TRIO: variants seen among roughly 807,000 people sequenced by gnomAD.
TRIO encodes the protein triple functional domain protein.
Under a neutral mutation model 351.9 loss-of-function variants are expected in TRIO, and 58 were observed. The ratio of observed to expected loss-of-function variants is 0.16; its 90% confidence interval spans 0.13 to 0.21. The LOEUF (loss-of-function observed/expected upper bound fraction) is 0.21, where lower values mean the gene tolerates loss of function less well. TRIO is among the 10% of genes least tolerant of loss of function. The pLI, the probability that TRIO is intolerant of heterozygous loss-of-function variation, is 1.00. For synonymous variants in TRIO, 1,758 were observed against 1,595.7 expected, an observed-to-expected ratio of 1.10 and a Z score of -2.42; for missense variants, 3,201 against 4,027.8, an observed-to-expected ratio of 0.79 and a Z score of 5.56.
intron 1 of TRIO, among the ~76,000 whole-genome samples, chr5:14,148,544 G>A (rs1418229372): frequency 6.6e-6 from 1 of 152,212 alleles, no homozygotes; most frequent in South Asian, 2.1e-4. Flanking sequence ...ACAAAAAGCA[G>A]TGATAACACC....
intron 1 of TRIO, among the ~76,000 whole-genome samples, chr5:14,155,416 A>G (rs541457900): frequency 6.6e-6 from 1 of 152,346 alleles, no homozygotes; most frequent in African/African-American, 2.4e-5. Context: ...ATCATGATCT[A>G]AATCACTAAC....
At chr5:14,147,614 C>T (rs1377107797) in intron 1 of TRIO, among the ~76,000 whole-genome samples, 1 of 152,180 alleles carries the variant, frequency 6.6e-6, no homozygotes, top group African/African-American at 2.4e-5. Context: ...AAATCTTACT[C>T]GACTCCTCCT....
chr5:14,237,224 C>G (rs1455971044), intron 1 of TRIO, among the ~76,000 whole-genome samples: 1 of 152,208 alleles, frequency 6.6e-6, no homozygotes, highest in Non-Finnish European at 1.5e-5. Flanking sequence ...TATCCCAGAT[C>G]TGAACATCAG....
At chr5:14,434,961 G>A (rs994207817) in intron 34 of TRIO, among the ~76,000 whole-genome samples, 5 of 152,280 alleles carry the variant, frequency 3.3e-5, no homozygotes, top group Non-Finnish European at 7.4e-5. Context: ...CTTAAATTTA[G>A]CTCATGCATG....
At chr5:14,265,806 T>C (rs1023467894) in intron 1 of TRIO, among the ~76,000 whole-genome samples, 1 of 152,208 alleles carries the variant, frequency 6.6e-6, no homozygotes, top group Admixed American at 6.5e-5. Flanking sequence ...AGTGGAAAGA[T>C]ATTTCACTGT....
At chr5:14,194,601 T>C (rs1422581091) in intron 1 of TRIO, among the ~76,000 whole-genome samples, 3 of 152,222 alleles carry the variant, frequency 2.0e-5, no homozygotes, top group Non-Finnish European at 2.9e-5. Context: ...GGAATTCTGC[T>C]GAAATAAACA....
At chr5:14,315,310 G>A (rs1739284670) in intron 8 of TRIO, among the ~76,000 whole-genome samples, 1 of 150,866 alleles carries the variant, frequency 6.6e-6, no homozygotes, top group Non-Finnish European at 1.5e-5. Flanking sequence ...GAGTGCAGTG[G>A]CACACGATCT....
At chr5:14,151,119 C>T (rs1787801459) in intron 1 of TRIO, among the ~76,000 whole-genome samples, 1 of 152,176 alleles carries the variant, frequency 6.6e-6, no homozygotes, top group Admixed American at 6.5e-5. Flanking sequence ...ATCTGGAGGG[C>T]TTCGTTCCTA....
At position 14,316,547 on chromosome 5, in the gene TRIO, T is replaced by C; in HGVS notation, c.1535T>C (p.Leu512Pro). The change falls in exon 9 of 57, where the codon CTC (leucine) becomes CCC (proline). Residue 512 changes from leucine to proline, a missense_variant. Leu to Pro is a moderately conservative substitution (Grantham distance 98, BLOSUM62 -3). Transcript: ENST00000344204. ...SQDGKSLLDKLQRPLTPGSSD... is the reference protein window; with the variant it reads ...SQDGKSLLDKPQRPLTPGSSD... ...GATGGGAAGTCGCTCCTTGACAAGC[T>C]CCAGCGGCCCTTGACTCCCGGCAGC... 1 of 1,614,142 alleles carries C rather than the reference T, an allele frequency of 6.2e-7. No homozygotes were observed. Among genetic ancestry groups the C allele is most frequent in the Non-Finnish European group, 8.5e-7 (1 of 1,180,026 alleles).
chr5:14,331,278 G>A (rs564880974), intron 10 of TRIO, among the ~76,000 whole-genome samples: 6 of 152,158 alleles, frequency 3.9e-5, no homozygotes, highest in Non-Finnish European at 8.8e-5. Context: ...AAATGTGTGG[G>A]CTTAGGAAAC....
intron 33 of TRIO, among the ~76,000 whole-genome samples, chr5:14,408,140 C>CA (rs1224124038): frequency 6.6e-6 from 1 of 152,218 alleles, no homozygotes; most frequent in East Asian, 1.9e-4. Context: ...AGACAGATGA[C>CA]AGAGTCCAGT....
rs1736439718 is a variant in TRIO at position 14,286,288 on chromosome 5, G to A, written c.348-583G>A. Among the ~76,000 whole-genome samples, 1 of 152,158 alleles carries A rather than the reference G, an allele frequency of 6.6e-6. No homozygotes were observed. The highest frequency in any genetic ancestry group is 2.4e-5 in the African/African-American group (1 of 41,436). On this transcript the variant is annotated intron_variant, in intron 3 of 56. Coordinates refer to ENST00000344204, the MANE Select transcript of TRIO (RefSeq NM_007118.4). The surrounding 1 kb of genome is among the most constrained non-coding windows in gnomAD (Gnocchi z 4.4). ...CTCCCAGGGACGGGTGGATGGTATG[G>A]AAAACCACTGAGATAGCTTCAGGGC...
intron 48 of TRIO, among the ~76,000 whole-genome samples, chr5:14,490,194 G>A (rs1756379693): frequency 6.6e-6 from 1 of 152,188 alleles, no homozygotes. Context: ...CAGGAGAATC[G>A]CTTGAACCCA....
intron 1 of TRIO, among the ~76,000 whole-genome samples, chr5:14,156,689 C>G (rs1034186614): frequency 3.9e-5 from 6 of 152,200 alleles, no homozygotes; most frequent in Non-Finnish European, 7.3e-5. Context: ...TTTGAGAATG[C>G]TAACCCACAC....
At chr5:14,501,987 G>T (rs1757327062) in intron 53 of TRIO, among the ~76,000 whole-genome samples, 2 of 152,218 alleles carry the variant, frequency 1.3e-5, no homozygotes, top group Admixed American at 1.3e-4. Context: ...TGTACACAGG[G>T]TTCATTACTC....
chr5:14,388,244 A>G (rs546401347), intron 23 of TRIO, among the ~76,000 whole-genome samples: 10 of 152,122 alleles, frequency 6.6e-5, no homozygotes, highest in Non-Finnish European at 1.0e-4. Context: ...TTTGCCCCCA[A>G]TGTGAGGGGA....
At chr5:14,160,437 A>G (rs1275018809) in intron 1 of TRIO, among the ~76,000 whole-genome samples, 1 of 152,212 alleles carries the variant, frequency 6.6e-6, no homozygotes. Context: ...ACACTGTGTA[A>G]TGAATGAGCT....
chr5:14,326,588 A>G (rs1740411089), intron 9 of TRIO, among the ~76,000 whole-genome samples: 1 of 152,154 alleles, frequency 6.6e-6, no homozygotes, highest in African/African-American at 2.4e-5. Context: ...GTGGGAAGGG[A>G]TCAGCTTTTG....
At chr5:14,349,920 C>A (rs960815138) in intron 11 of TRIO, among the ~76,000 whole-genome samples, 3 of 152,144 alleles carry the variant, frequency 2.0e-5, no homozygotes. Flanking sequence ...TTGTTCCTCT[C>A]TTTGTGTCCA....
Sources: gnomAD v4.1 joint callset for allele counts (sites outside exome capture counted in the v4.1 genomes callset) on GRCh38, gnomAD v4.1.1 for gene constraint, Gnocchi (gnomAD v3.1) non-coding constraint, MANE v1.5 for transcripts, NCBI Gene and HGNC (gene_info 2026-07-23, HGNC 2026-07-21) for gene names.